Variants in PCDHA8 observed in about 807,000 individuals in gnomAD.
PCDHA8 encodes the protein protocadherin alpha 8, also known as protocadherin alpha-8.
A neutral mutation model predicts 61.8 loss-of-function variants in PCDHA8; 53 were observed. That is an observed-to-expected ratio of 0.86 (90% CI 0.69 to 1.08). PCDHA8 has a LOEUF of 1.08. Ranked by LOEUF, PCDHA8 falls within the 50% of genes least tolerant of loss-of-function variation. The probability of loss-of-function intolerance (pLI) is 0.00; values close to 1 mark genes in which losing one functional copy is unlikely to be tolerated. For missense variants in PCDHA8, 1,293 were observed against 1,245.0 expected (o/e 1.04, Z -0.58); for synonymous variants, 618 against 556.6 (o/e 1.11, Z -1.55).
Position 140,842,808 on chromosome 5 carries a change from A to G in PCDHA8, c.1487A>G (p.Glu496Gly). 1.3e-6 allele frequency: 2 copies of G among 1,594,086 alleles called. No individual in the cohort carries two copies. Among genetic ancestry groups the G allele is most frequent in the Non-Finnish European group, 1.7e-6 (2 of 1,165,358 alleles). ...ENALVSYSLV[E>G]RRVGERSLSS... ...GCGCTGGTGTCCTACTCGCTTGTGG[A>G]GCGGCGGGTGGGCGAGCGCTCGCTG... The change falls in exon 1 of 4, where the codon GAG (glutamate) becomes GGG (glycine). Residue 496 changes from glutamate (E) to glycine (G), a missense_variant. Glu to Gly is a moderately conservative substitution (Grantham distance 98, BLOSUM62 -2). Coordinates refer to ENST00000531613, the MANE Select transcript of PCDHA8 (RefSeq NM_018911.3).
chr5:140,889,983 T>C (rs1347862441), intron 1 of PCDHA8, among the ~76,000 whole-genome samples: 1 of 152,208 alleles, frequency 6.6e-6, no homozygotes, highest in Non-Finnish European at 1.5e-5. Flanking sequence ...TCTCCAGTTG[T>C]CTTAGCTTTC....
chr5:140,997,565 A>T (rs552009994), intron 3 of PCDHA8, among the ~76,000 whole-genome samples: 1 of 152,174 alleles, frequency 6.6e-6, no homozygotes, highest in Non-Finnish European at 1.5e-5. Context: ...CAACTGTCAT[A>T]TGTGTGGTCC....
At position 140,843,447 on chromosome 5, in the gene PCDHA8, G is replaced by A. The variant is rs373780721; in HGVS notation, c.2126G>A (p.Ser709Asn). 12 of 1,596,056 alleles carry A rather than the reference G, an allele frequency of 7.5e-6. No individual in the cohort carries two copies. The highest frequency in any genetic ancestry group is 1.0e-5 in the Non-Finnish European group (12 of 1,165,664). ...YLIIAICAVS[S>N]LLVLTLLLYT... The stretch of plus-strand genomic sequence containing the variant: ...ATCATCGCCATCTGCGCGGTATCCA[G>A]CCTGCTGGTGCTCACGCTGCTGCTG... The change falls in exon 1 of 4, where the codon AGC becomes AAC. Residue 709 changes from serine to asparagine, a missense_variant. Physicochemically the swap from Ser to Asn is conservative, Grantham distance 46. Transcript: ENST00000531613.
intron 1 of PCDHA8, among the ~76,000 whole-genome samples, chr5:140,891,271 G>A (rs782182381): frequency 7.9e-5 from 12 of 151,678 alleles, no homozygotes; most frequent in South Asian, 4.2e-4. Flanking sequence ...TAATTTTTCC[G>A]TAAGTTATTG....
At chr5:140,987,429 G>T (rs1402576200) in intron 3 of PCDHA8, among the ~76,000 whole-genome samples, 2 of 152,096 alleles carry the variant, frequency 1.3e-5, no homozygotes, top group Admixed American at 1.3e-4. Flanking sequence ...GAAGCAGGGG[G>T]CCTTTCCCCA....
chr5:140,987,805 C>T (rs2097269328), intron 3 of PCDHA8, among the ~76,000 whole-genome samples: 3 of 152,140 alleles, frequency 2.0e-5, no homozygotes. Flanking sequence ...TTTAAAGTGC[C>T]TGTCTCTTTG....
At chr5:140,973,862 A>G (rs1438238778) in intron 1 of PCDHA8, among the ~76,000 whole-genome samples, 2 of 152,196 alleles carry the variant, frequency 1.3e-5, no homozygotes, top group Non-Finnish European at 2.9e-5. Flanking sequence ...TTTGCTCTCA[A>G]TGAGAGGTCA....
At chr5:140,954,947 T>G (rs2153704420) in intron 1 of PCDHA8, among the ~76,000 whole-genome samples, 1 of 152,360 alleles carries the variant, frequency 6.6e-6, no homozygotes, top group South Asian at 2.1e-4. Flanking sequence ...AGTTAATTTT[T>G]GTATAAGATG....
intron 1 of PCDHA8, among the ~76,000 whole-genome samples, chr5:140,937,469 T>C (rs1322050073): frequency 6.6e-6 from 1 of 152,210 alleles, no homozygotes; most frequent in Non-Finnish European, 1.5e-5. Flanking sequence ...ATACAAAAAT[T>C]AGCTGGACAT....
intron 1 of PCDHA8, chr5:140,870,890 T>C: frequency 6.2e-7 from 1 of 1,613,954 alleles, no homozygotes; most frequent in Non-Finnish European, 8.5e-7. Flanking sequence ...GTGCGCGCAG[T>C]GGATGCGGAC....
chr5:140,950,865 T>C (rs1419138561), intron 1 of PCDHA8, among the ~76,000 whole-genome samples: 1 of 152,098 alleles, frequency 6.6e-6, no homozygotes, highest in Non-Finnish European at 1.5e-5. Context: ...TTCTTGTATA[T>C]TCTATATTGT....
intron 3 of PCDHA8, among the ~76,000 whole-genome samples, chr5:140,995,186 A>T (rs2097669011): frequency 6.6e-6 from 1 of 152,132 alleles, no homozygotes; most frequent in Non-Finnish European, 1.5e-5. Flanking sequence ...ACCTATGATA[A>T]AGTTTAATTT....
At chr5:140,941,198 T>TCTTC (rs202127003) in intron 1 of PCDHA8, among the ~76,000 whole-genome samples, 5 of 119,810 alleles carry the variant, frequency 4.2e-5, no homozygotes, top group Non-Finnish European at 7.0e-5. Flanking sequence ...TTTTTTTCTT[T>TCTTC]CTTCCTTTCT....
chr5:140,849,776 G>C, intron 1 of PCDHA8: 1 of 1,598,464 alleles, frequency 6.3e-7, no homozygotes, highest in Non-Finnish European at 8.6e-7. Context: ...TGGTTACCGC[G>C]CGGGACGGGG....
intron 3 of PCDHA8, among the ~76,000 whole-genome samples, chr5:141,000,415 A>ATTT (rs1563651650): frequency 1.1e-5 from 1 of 87,398 alleles, no homozygotes; most frequent in South Asian, 4.0e-4. Flanking sequence ...ATATATATAT[A>ATTT]TATATATTTT....
intron 1 of PCDHA8, among the ~76,000 whole-genome samples, chr5:140,947,932 T>G (rs1444320082): frequency 1.3e-5 from 2 of 151,584 alleles, no homozygotes; most frequent in African/African-American, 4.8e-5. Flanking sequence ...CCTGATCTTA[T>G]GAGAAAAGTG....
At chr5:140,877,108 G>C in intron 1 of PCDHA8, 1 of 1,613,542 alleles carries the variant, frequency 6.2e-7, no homozygotes. Context: ...GCCGCCTCTG[G>C]GCAGCAACGT....
chr5:140,967,888 G>A, intron 1 of PCDHA8: 1 of 1,614,138 alleles, frequency 6.2e-7, no homozygotes, highest in South Asian at 1.1e-5. Context: ...ATAGCCCAGT[G>A]CCTGAGAATG....
intron 3 of PCDHA8, among the ~76,000 whole-genome samples, chr5:140,996,269 T>C (rs1183604392): frequency 6.6e-6 from 1 of 152,194 alleles, no homozygotes; most frequent in East Asian, 1.9e-4. Context: ...GAGCCTGGGA[T>C]TGCTGCCAAA....
Sources: gnomAD v4.1 joint callset for allele counts (sites outside exome capture counted in the v4.1 genomes callset) on GRCh38, gnomAD v4.1.1 for gene constraint, MANE v1.5 for transcripts, NCBI Gene and HGNC (gene_info 2026-07-23, HGNC 2026-07-21) for gene names.